The following ARL15 variants were observed in gnomAD, a reference collection of about 807,000 sequenced individuals.
ARL15 encodes ARF like GTPase 15.
ARL15 carries 19 observed loss-of-function variants against 25.2 expected under a neutral mutation model. That is an observed-to-expected ratio of 0.75 (90% CI 0.53 to 1.10). ARL15 has a LOEUF of 1.10. Ranked by LOEUF, ARL15 falls within the 50% of genes least tolerant of loss-of-function variation. The pLI is 0.00. For synonymous variants in ARL15, 94 were observed against 86.8 expected, an observed-to-expected ratio of 1.08 and a Z score of -0.46; for missense variants, 220 against 246.0, an observed-to-expected ratio of 0.89 and a Z score of 0.71.
intron 1 of ARL15, among the ~76,000 whole-genome samples, chr5:54,294,521 G>A (rs1029577501): frequency 3.5e-4 from 54 of 152,292 alleles, no homozygotes; most frequent in African/African-American, 1.1e-3. Flanking sequence ...AGAAAGAAGG[G>A]AAGGTAGGGC....
Position 54,154,600 on chromosome 5 carries a change from A to C in ARL15, c.233T>G (p.Leu78Trp). The change falls in exon 3 of 5, where the codon TTG becomes TGG. Residue 78 changes from leucine (L) to tryptophan (W), a missense_variant. Leu to Trp is a moderately conservative substitution (Grantham distance 61). Coordinates refer to ENST00000504924, the MANE Select transcript of ARL15 (RefSeq NM_019087.3). ...TATACCTCCAAGTTCTTTTACATTC[A>C]AGATGGCATTCTGGAATGGCACTGC... ...IKAVPFQNAI[L>W]NVKELGGADN... The C allele has an allele frequency of 2.6e-6, 4 of 1,529,892 alleles. No homozygotes were observed. Among genetic ancestry groups the C allele is most frequent in the Non-Finnish European group, 3.5e-6 (4 of 1,139,898 alleles). 94.8% of individuals were successfully genotyped at this position (1,529,892 alleles called of 1,614,324 possible).
chr5:54,096,869 T>C (rs1752304298), intron 4 of ARL15, among the ~76,000 whole-genome samples: 1 of 152,182 alleles, frequency 6.6e-6, no homozygotes, highest in South Asian at 2.1e-4. Flanking sequence ...GGTTACTATG[T>C]AAGGCTTAAA....
chr5:54,090,082 G>C (rs1752087751), intron 4 of ARL15, among the ~76,000 whole-genome samples: 1 of 152,128 alleles, frequency 6.6e-6, no homozygotes, highest in Non-Finnish European at 1.5e-5. Context: ...ACATACCATT[G>C]AGAAATGGTT....
chr5:54,108,998 A>G (rs1752663857), intron 4 of ARL15, among the ~76,000 whole-genome samples: 1 of 152,102 alleles, frequency 6.6e-6, no homozygotes, highest in African/African-American at 2.4e-5. Flanking sequence ...TAATGTTTAT[A>G]TCATTACAAA....
chr5:53,953,863 G>A (rs538461837), intron 4 of ARL15, among the ~76,000 whole-genome samples: 4 of 152,190 alleles, frequency 2.6e-5, no homozygotes, highest in Admixed American at 6.5e-5. Flanking sequence ...GGAGCCTTAC[G>A]CTTTAATGAA....
chr5:54,087,242 G>C (rs1052845074), intron 4 of ARL15, among the ~76,000 whole-genome samples: 3 of 152,054 alleles, frequency 2.0e-5, no homozygotes, highest in African/African-American at 7.2e-5. Context: ...GCATGAGAAT[G>C]GTGTGAATCC....
chr5:54,130,855 T>A (rs1228060851), intron 3 of ARL15, among the ~76,000 whole-genome samples: 1 of 152,210 alleles, frequency 6.6e-6, no homozygotes. Flanking sequence ...CTCTAGGTAG[T>A]TGATTTGGAA....
chr5:54,028,062 AGGCACCCGCCACCACGCCC>A (rs1749841056), intron 4 of ARL15, among the ~76,000 whole-genome samples: 1 of 151,954 alleles, frequency 6.6e-6, no homozygotes. Flanking sequence ...GTGGGATTAC[AGGCACCCGCCACCACGCCC>A]GGCTAATTTT....
intron 4 of ARL15, among the ~76,000 whole-genome samples, chr5:54,000,268 C>A (rs1169308504): frequency 6.6e-6 from 1 of 152,168 alleles, no homozygotes; most frequent in Non-Finnish European, 1.5e-5. Context: ...AAAACACCAA[C>A]TCTATGTTAG....
chr5:54,112,185 G>C (rs890196562), intron 4 of ARL15, among the ~76,000 whole-genome samples: 1 of 151,896 alleles, frequency 6.6e-6, no homozygotes, highest in Admixed American at 6.6e-5. Flanking sequence ...CTTCTACTTA[G>C]GTGTTTAAAC....
chr5:53,918,140 G>A (rs550604456), intron 4 of ARL15, among the ~76,000 whole-genome samples: 4 of 152,216 alleles, frequency 2.6e-5, no homozygotes, highest in Admixed American at 6.5e-5. Flanking sequence ...AGAGGTTGTC[G>A]AGAGAAGGAA....
In ARL15 at chr5:53,992,359, A is replaced by G. The variant is rs538658909; in HGVS notation, c.463-105646T>C. 1.6e-4 allele frequency among the ~76,000 whole-genome samples: 24 copies of G among 152,328 alleles called. No homozygotes were observed. In the South Asian group the frequency reaches 5.0e-3, roughly 32 times the overall value. ...TTCCTGAATGACTGAACAATGTCATAACACTTCAATACCTGCTCAGTATAC... is the reference window on the plus strand; with the variant it reads ...TTCCTGAATGACTGAACAATGTCATGACACTTCAATACCTGCTCAGTATAC... On this transcript the variant is annotated intron_variant, in intron 4 of 4. Coordinates refer to ENST00000504924, the MANE Select transcript of ARL15 (RefSeq NM_019087.3).
intron 4 of ARL15, among the ~76,000 whole-genome samples, chr5:54,091,818 G>A (rs867966719): frequency 6.6e-6 from 1 of 152,122 alleles, no homozygotes; most frequent in South Asian, 2.1e-4. Flanking sequence ...CTGGTCCCAG[G>A]CATCAGCTAG....
intron 4 of ARL15, among the ~76,000 whole-genome samples, chr5:53,973,548 T>C (rs1747821119): frequency 7.5e-6 from 1 of 133,192 alleles, no homozygotes; most frequent in Non-Finnish European, 1.6e-5. Context: ...CGCTCCAGCC[T>C]GGGCAACAAG....
chr5:54,000,998 T>C (rs970348467), intron 4 of ARL15, among the ~76,000 whole-genome samples: 1 of 152,228 alleles, frequency 6.6e-6, no homozygotes, highest in Middle Eastern at 3.2e-3. Flanking sequence ...AAATTCTTAA[T>C]AATTTTATCT....
intron 3 of ARL15, among the ~76,000 whole-genome samples, chr5:54,134,948 C>T (rs572859843): frequency 6.6e-6 from 1 of 152,160 alleles, no homozygotes; most frequent in South Asian, 2.1e-4. Context: ...ACAGAGTAGA[C>T]AGTCTGATAC....
intron 1 of ARL15, among the ~76,000 whole-genome samples, chr5:54,231,125 C>A (rs1000712909): frequency 7.6e-5 from 10 of 131,128 alleles, no homozygotes; most frequent in Non-Finnish European, 1.3e-4. Context: ...GGATATCCCA[C>A]AAACACATTA....
chr5:53,920,406 A>G (rs1244622395), intron 4 of ARL15, among the ~76,000 whole-genome samples: 2 of 152,086 alleles, frequency 1.3e-5, no homozygotes, highest in Non-Finnish European at 2.9e-5. Context: ...TTCAACACAA[A>G]GTGAGTGCTT....
chr5:53,965,179 C>A (rs1474076757), intron 4 of ARL15, among the ~76,000 whole-genome samples: 1 of 152,204 alleles, frequency 6.6e-6, no homozygotes, highest in Non-Finnish European at 1.5e-5. Flanking sequence ...CAGAAGCATT[C>A]TTTCTTCCGG....
Sources: allele counts gnomAD v4.1 joint callset (sites outside exome capture counted in the v4.1 genomes callset), GRCh38; gene constraint gnomAD v4.1.1; transcripts MANE v1.5; gene names NCBI Gene and HGNC (gene_info 2026-07-23, HGNC 2026-07-21).